Variants in KCTD6 observed in about 807,000 individuals in gnomAD.
The protein encoded by KCTD6 is potassium channel tetramerization domain containing 6.
Under a neutral mutation model 18.7 loss-of-function variants are expected in KCTD6, and 6 were observed. The observed-to-expected ratio is 0.32, with a 90% CI of 0.18 to 0.63. KCTD6 has a LOEUF of 0.63. Among genes scored for constraint, KCTD6 ranks in the 30% least tolerant of loss-of-function variants. The pLI, the probability that KCTD6 is intolerant of heterozygous loss-of-function variation, is 0.79. For synonymous variants in KCTD6, 86 were observed against 108.5 expected (o/e 0.79, Z 1.29); for missense variants, 165 against 300.2 (o/e 0.55, Z 3.33).
chr3:58,501,139 C>T lies in KCTD6; in HGVS notation c.221C>T (p.Thr74Ile). The T allele has an allele frequency of 6.2e-7, 1 of 1,614,070 alleles. No individual in the cohort carries two copies. The highest frequency in any genetic ancestry group is 8.5e-7 in the Non-Finnish European group (1 of 1,179,992). The change falls in exon 3 of 3, where the codon ACT (threonine) becomes ATT (isoleucine). Residue 74 changes from threonine to isoleucine, a missense_variant. Physicochemically the swap from Thr to Ile is moderately conservative, Grantham distance 89. This residue lies in a region of KCTD6 where 106 missense variants were observed against 230.4 expected (regional missense o/e 0.46). Transcript: ENST00000404589. The surrounding 1 kb of genome is among the most constrained non-coding windows in gnomAD (Gnocchi z 9.7). ...LFRYVLNFLR[T>I]SELTLPLDFK... is the part of the protein sequence containing the mutation. ...CGATATGTCCTCAACTTCTTAAGAA[C>T]TTCAGAATTGACCTTACCGTTGGAT...
Position 58,502,317 on chromosome 3 carries a change from GAAA to G in KCTD6, c.*693_*695del, listed in dbSNP as rs145239958. On this transcript the variant is annotated 3_prime_UTR_variant, in exon 3 of 3. Coordinates refer to ENST00000404589, the MANE Select transcript of KCTD6 (RefSeq NM_001128214.2). The stretch of plus-strand genomic sequence containing the variant: ...TAATTCCCAAGTGTACTGTCTACCA[GAAA>G]AAAAAAACAAAACTAATAAAAAATG... 6.9e-6 allele frequency: 1 copy of G among 145,498 alleles called. No homozygotes were observed. The allele number at this position is 145,498 out of a possible 1,614,324, so 9.0% of individuals were successfully genotyped here.
In KCTD6 at chr3:58,501,715, A is replaced by T. The variant is rs752400834; in HGVS notation, c.*83A>T. The T allele has an allele frequency of 4.6e-5, 45 of 977,308 alleles. No homozygotes were observed. The highest frequency in any genetic ancestry group is 2.4e-4 in the Middle Eastern group (1 of 4,144). 60.5% of individuals were successfully genotyped at this position (977,308 alleles called of 1,614,324 possible). ...TTTTTTTTTTAAATCACAGTGTGAG[A>T]TATTTTTTTTCTTTTAAATAGTTGT... is the stretch of plus-strand genomic sequence containing the variant. On this transcript the variant is annotated 3_prime_UTR_variant, in exon 3 of 3. Coordinates refer to ENST00000404589, the MANE Select transcript of KCTD6 (RefSeq NM_001128214.2). The surrounding 1 kb of genome is among the most constrained non-coding windows in gnomAD (Gnocchi z 9.7).
chr3:58,501,388 C>T lies in KCTD6; in HGVS notation c.470C>T (p.Ser157Leu), dbSNP rs1446941215. Residue 157 changes from serine to leucine, a missense_variant, in exon 3 of 3, where the codon TCA becomes TTA. Coordinates refer to ENST00000404589, the MANE Select transcript of KCTD6 (RefSeq NM_001128214.2). This position sits in a 1 kb window ranked among gnomAD's most constrained non-coding sequence, Gnocchi z 9.7. ...GTCCATTCCTTACTAGAAGGCATCT[C>T]AAATTATTTTACCAAGTGGAATAAG... ...TKVHSLLEGI[S>L]NYFTKWNKHM... 6.3e-7 allele frequency: 1 copy of T among 1,582,138 alleles called. No homozygotes were observed. Among genetic ancestry groups the T allele is most frequent in the African/African-American group, 1.4e-5 (1 of 73,514 alleles).
Position 58,492,430 on chromosome 3 carries a change from G to A in KCTD6, c.-44+261G>A, listed in dbSNP as rs2063159040. 1.3e-5 allele frequency among the ~76,000 whole-genome samples: 2 copies of A among 151,446 alleles called. No homozygotes were observed. The highest frequency in any genetic ancestry group is 3.0e-5 in the Non-Finnish European group (2 of 67,792). On this transcript the variant is annotated intron_variant, in intron 1 of 2. Transcript: ENST00000404589. The surrounding 1 kb of genome is among the most constrained non-coding windows in gnomAD (Gnocchi z 6.1). ...GGATGCGCGGTTTCTGCGGGCCCGG[G>A]TTCGGAGCCCCGCGGCGCGCCCCTC...
rs191291910 is a variant in KCTD6 at position 58,502,170 on chromosome 3, A to C, written c.*538A>C. 7 of 152,762 alleles carry C rather than the reference A, an allele frequency of 4.6e-5. No individual in the cohort carries two copies. Among genetic ancestry groups the C allele is most frequent in the Admixed American group, 3.9e-4 (6 of 15,308 alleles). 9.5% of individuals were successfully genotyped at this position (152,762 alleles called of 1,614,324 possible). A position where few individuals can be genotyped will look rare whatever the true frequency, so the allele number is the denominator to read the frequency against. On this transcript the variant is annotated 3_prime_UTR_variant, in exon 3 of 3. Coordinates refer to ENST00000404589, the MANE Select transcript of KCTD6 (RefSeq NM_001128214.2). ...TTATGACAACTGTTTCTTTCTATGC[A>C]TATAAATCAAGGAACCAAATATCTG...
rs1169501596 is a variant in KCTD6, at chr3:58,493,244, C to T, written c.-44+1075C>T. ...AGAGTATTTTCTCTTTGGCCGAAAC[C>T]ATCAGTCCATACTGATACTTGATTT... On this transcript the variant is annotated intron_variant, in intron 1 of 2. Coordinates refer to ENST00000404589, the MANE Select transcript of KCTD6 (RefSeq NM_001128214.2). The surrounding 1 kb of genome is among the most constrained non-coding windows in gnomAD (Gnocchi z 4.5). Among the ~76,000 whole-genome samples the T allele has an allele frequency of 1.3e-5, 2 of 152,178 alleles. No individual in the cohort carries two copies. The highest frequency in any genetic ancestry group is 2.9e-5 in the Non-Finnish European group (2 of 68,036).
chr3:58,495,065 G>A (rs762980199), intron 1 of KCTD6, among the ~76,000 whole-genome samples: 1 of 152,082 alleles, frequency 6.6e-6, no homozygotes, highest in African/African-American at 2.4e-5. Context: ...GTTTGTGCTC[G>A]GTTGCATTTG....
chr3:58,495,159 T>A (rs2063170174), intron 1 of KCTD6, among the ~76,000 whole-genome samples: 1 of 152,220 alleles, frequency 6.6e-6, no homozygotes. Flanking sequence ...CCTGGTAGAT[T>A]TTCTGAAATA....
Position 58,498,068 on chromosome 3 carries a change from G to A in KCTD6, c.-43-645G>A, listed in dbSNP as rs974066533. ...ACAGTCTCGGCTCACTGCAACCTCC[G>A]CCTCTCGGGTTCAAGTGATGCTCCT... On this transcript the variant is annotated intron_variant, in intron 1 of 2. Coordinates refer to ENST00000404589, the MANE Select transcript of KCTD6 (RefSeq NM_001128214.2). This position sits in a 1 kb window ranked among gnomAD's most constrained non-coding sequence, Gnocchi z 4.6. 4.1e-5 allele frequency: 6 copies of A among 147,774 alleles called. No individual in the cohort carries two copies. The highest frequency in any genetic ancestry group is 5.9e-5 in the Non-Finnish European group (4 of 67,578). 9.2% of individuals were successfully genotyped at this position (147,774 alleles called of 1,614,324 possible).
At position 58,501,049 on chromosome 3, in the gene KCTD6, G is replaced by T; in HGVS notation, c.131G>T (p.Gly44Val). Residue 44 changes from glycine (G) to valine (V), a missense_variant, in exon 3 of 3, where the codon GGG becomes GTG. Physicochemically the swap from Gly to Val is moderately radical, Grantham distance 109. Around this residue, in one of 2 missense-constraint regions of KCTD6, gnomAD observed 59 missense variants for 69.9 expected, o/e 0.84. Coordinates refer to ENST00000404589, the MANE Select transcript of KCTD6 (RefSeq NM_001128214.2). This position sits in a 1 kb window ranked among gnomAD's most constrained non-coding sequence, Gnocchi z 9.7. ...PDSMLGAMFG[G>V]DFPTARDPQG... ...TCCATGCTTGGAGCTATGTTTGGGG[G>T]GGACTTCCCCACAGCTCGAGACCCT... The T allele has an allele frequency of 6.2e-7, 1 of 1,613,952 alleles. No individual in the cohort carries two copies. Among genetic ancestry groups the T allele is most frequent in the Non-Finnish European group, 8.5e-7 (1 of 1,179,914 alleles).
In KCTD6 at chr3:58,492,814, G is replaced by C. The variant is rs1413220235; in HGVS notation, c.-44+645G>C. 1.3e-5 allele frequency among the ~76,000 whole-genome samples: 2 copies of C among 152,296 alleles called. No homozygotes were observed. Among genetic ancestry groups the C allele is most frequent in the African/African-American group, 4.8e-5 (2 of 41,574 alleles). The stretch of plus-strand genomic sequence containing the variant: ...CACCTGCTGGGCTGACAGTGGTGGA[G>C]GCTGTGTCTGGGGGTGGGACGGGGA... On this transcript the variant is annotated intron_variant, in intron 1 of 2. Transcript: ENST00000404589. This position sits in a 1 kb window ranked among gnomAD's most constrained non-coding sequence, Gnocchi z 6.1.
At position 58,498,579 on chromosome 3, in the gene KCTD6, T is replaced by C. The variant is rs2063190232; in HGVS notation, c.-43-134T>C. 3.1e-6 allele frequency: 2 copies of C among 636,412 alleles called. No homozygotes were observed. Among genetic ancestry groups the C allele is most frequent in the Non-Finnish European group, 5.6e-6 (2 of 358,556 alleles). 39.4% of individuals were successfully genotyped at this position (636,412 alleles called of 1,614,324 possible). A position where few individuals can be genotyped will look rare whatever the true frequency, so the allele number is the denominator to read the frequency against. On this transcript the variant is annotated intron_variant, in intron 1 of 2. Coordinates refer to ENST00000404589, the MANE Select transcript of KCTD6 (RefSeq NM_001128214.2). The surrounding 1 kb of genome is among the most constrained non-coding windows in gnomAD (Gnocchi z 4.6). ...TGCTTTCTTCCCCAGATCTTTGCCC[T>C]GTAGTAGGTTTCAGCTGAGCAAGGA...
rs2063186317 is a variant in KCTD6 at position 58,497,901 on chromosome 3, T to C, written c.-43-812T>C. ...ATCCTGGGAGGTTTATGATTTTTGA[T>C]GTTTTTACTCAGGTGATTGGCTTGT... On this transcript the variant is annotated intron_variant, in intron 1 of 2. Transcript: ENST00000404589. This position sits in a 1 kb window ranked among gnomAD's most constrained non-coding sequence, Gnocchi z 4.2. 6.6e-6 allele frequency: 1 copy of C among 152,132 alleles called. No homozygotes were observed. Among genetic ancestry groups the C allele is most frequent in the South Asian group, 2.1e-4 (1 of 4,830 alleles). 9.4% of individuals were successfully genotyped at this position (152,132 alleles called of 1,614,324 possible). A position where few individuals can be genotyped will look rare whatever the true frequency, so the allele number is the denominator to read the frequency against.
At position 58,497,079 on chromosome 3, in the gene KCTD6, C is replaced by T. The variant is rs1406381855; in HGVS notation, c.-43-1634C>T. The stretch of plus-strand genomic sequence containing the variant: ...TCAGAGGAATGAAAGACTGTCATAA[C>T]AGTCTTGAATTTGACATTTGTTCCA... On this transcript the variant is annotated intron_variant, in intron 1 of 2. Transcript: ENST00000404589. The surrounding 1 kb of genome is among the most constrained non-coding windows in gnomAD (Gnocchi z 4.2). Among the ~76,000 whole-genome samples the T allele has an allele frequency of 6.6e-6, 1 of 152,220 alleles. No individual in the cohort carries two copies. Among genetic ancestry groups the T allele is most frequent in the Admixed American group, 6.5e-5 (1 of 15,282 alleles).
At chr3:58,500,543 GTTAAA>G (rs1275678588) in intron 2 of KCTD6, 1 of 156,762 alleles carries the variant, frequency 6.4e-6, no homozygotes, top group African/African-American at 2.4e-5. Context: ...TCTATCTAAT[GTTAAA>G]TTAAATTCAG....
rs1248963425 is a variant in KCTD6 at position 58,501,403 on chromosome 3, A to G, written c.485A>G (p.Lys162Arg). Residue 162 changes from lysine (K) to arginine (R), a missense_variant, in exon 3 of 3, where the codon AAG (lysine) becomes AGG (arginine). Lys to Arg is a conservative substitution (Grantham distance 26, BLOSUM62 2). Transcript: ENST00000404589. This position sits in a 1 kb window ranked among gnomAD's most constrained non-coding sequence, Gnocchi z 9.7. Reference sequence around the variant, plus strand: ...GAAGGCATCTCAAATTATTTTACCAAGTGGAATAAGCACATGATGGACACC... The same window carrying G: ...GAAGGCATCTCAAATTATTTTACCAGGTGGAATAAGCACATGATGGACACC... The part of the protein sequence containing the change: ...LLEGISNYFT[K>R]WNKHMMDTRD... 6 of 1,578,582 alleles carry G rather than the reference A, an allele frequency of 3.8e-6. No homozygotes were observed. Among genetic ancestry groups the G allele is most frequent in the Non-Finnish European group, 5.1e-6 (6 of 1,165,384 alleles).
intron 2 of KCTD6, 66 bp from the exon 3 acceptor site, chr3:58,500,880 T>TGTCAAA (rs1486985964): frequency 2.9e-6 from 3 of 1,030,898 alleles, no homozygotes; most frequent in Non-Finnish European, 4.3e-6. Context: ...ATCACTTACT[T>TGTCAAA]TCTTAATTTG....
In KCTD6 at chr3:58,501,047, G is replaced by T. The variant is rs771378508; in HGVS notation, c.129G>T (p.Gly43=). The T allele has an allele frequency of 6.2e-7, 1 of 1,614,062 alleles. No homozygotes were observed. The highest frequency in any genetic ancestry group is 8.5e-7 in the Non-Finnish European group (1 of 1,180,000). ...YPDSMLGAMF[G]GDFPTARDPQ... The stretch of plus-strand genomic sequence containing the variant: ...ATTCCATGCTTGGAGCTATGTTTGG[G>T]GGGGACTTCCCCACAGCTCGAGACC... The change falls in exon 3 of 3, where the codon GGG becomes GGT. Residue 43 remains glycine (G), a synonymous_variant. Coordinates refer to ENST00000404589, the MANE Select transcript of KCTD6 (RefSeq NM_001128214.2). This position sits in a 1 kb window ranked among gnomAD's most constrained non-coding sequence, Gnocchi z 9.7.
At chr3:58,494,762 C>T (rs2063168774) in intron 1 of KCTD6, among the ~76,000 whole-genome samples, 1 of 152,134 alleles carries the variant, frequency 6.6e-6, no homozygotes, top group Non-Finnish European at 1.5e-5. Flanking sequence ...ATTATGTATG[C>T]ATTTCTTCAG....
Sources: gnomAD v4.1 joint callset for allele counts (sites outside exome capture counted in the v4.1 genomes callset) on GRCh38, gnomAD v4.1.1 for gene constraint, gnomAD v4.1.1 regional missense constraint, Gnocchi (gnomAD v3.1) non-coding constraint, MANE v1.5 for transcripts, NCBI Gene and HGNC (gene_info 2026-07-23, HGNC 2026-07-21) for gene names.